The following MMADHC variants were observed in gnomAD, a reference collection of about 807,000 sequenced individuals.
MMADHC encodes cobalamin trafficking protein CblD.
MMADHC carries 23 observed loss-of-function variants against 36.3 expected under a neutral mutation model. The observed-to-expected ratio is 0.63, with a 90% CI of 0.46 to 0.90. The LOEUF is 0.90. Among genes scored for constraint, MMADHC ranks in the 40% least tolerant of loss-of-function variants. The pLI is 0.00. For missense variants in MMADHC, 330 were observed against 348.0 expected (o/e 0.95, Z 0.41); for synonymous variants, 97 against 116.1 (o/e 0.84, Z 1.06).
chr2:149,574,709 A>G (rs1395859123), intron 6 of MMADHC, among the ~76,000 whole-genome samples: 2 of 152,266 alleles, frequency 1.3e-5, no homozygotes, highest in Non-Finnish European at 2.9e-5. Flanking sequence ...GAATCTATAG[A>G]TATTAGCATG....
chr2:149,586,991 C>T (rs1386345535), intron 2 of MMADHC, 98 bp downstream of exon 2: 1 of 1,227,322 alleles, frequency 8.1e-7, no homozygotes, highest in Non-Finnish European at 1.2e-6. Context: ...ATATCTAACA[C>T]TATACCACCC....
chr2:149,578,897 C>G (rs755364800), intron 4 of MMADHC, among the ~76,000 whole-genome samples: 1 of 145,602 alleles, frequency 6.9e-6, no homozygotes, highest in Non-Finnish European at 1.5e-5. Context: ...ATCATAAATG[C>G]AAGTTTAAAA....
In MMADHC at chr2:149,587,152, G is replaced by A; in HGVS notation, c.-52-3C>T. 1 of 1,564,382 alleles carries A rather than the reference G, an allele frequency of 6.4e-7. No homozygotes were observed. The highest frequency in any genetic ancestry group is 1.4e-5 in the African/African-American group (1 of 73,866). On this transcript the variant is annotated splice_region_variant and splice_polypyrimidine_tract_variant and intron_variant, in intron 1 of 7. Transcript: ENST00000303319. ...GCTTTCCTTTGGTAAAGTTATTTCT[G>A]GGAAAGAACACAACAAAACAGACGA...
At chr2:149,580,995 A>C (rs1682785749) in intron 3 of MMADHC, among the ~76,000 whole-genome samples, 1 of 152,224 alleles carries the variant, frequency 6.6e-6, no homozygotes, top group Non-Finnish European at 1.5e-5. Context: ...TGACTACTCA[A>C]GTCACTTCCC....
chr2:149,583,494 T>C (rs137972505), intron 2 of MMADHC, among the ~76,000 whole-genome samples: 104 of 152,296 alleles, frequency 6.8e-4, no homozygotes, highest in African/African-American at 2.2e-3. Context: ...TACATCAAGA[T>C]AGTAAGTCGG....
At chr2:149,580,404 C>G (rs1234340441) in intron 3 of MMADHC, among the ~76,000 whole-genome samples, 5 of 152,030 alleles carry the variant, frequency 3.3e-5, no homozygotes, top group Non-Finnish European at 7.4e-5. Flanking sequence ...CTCTGTTTAC[C>G]AGCCACATGA....
rs945429451 is a variant in MMADHC, at chr2:149,587,767, A to G, written c.-156T>C. On this transcript the variant is annotated 5_prime_UTR_variant, in exon 1 of 8. Transcript: ENST00000303319. ...GGTAGCACCTACGCTGGCGGTGAGC[A>G]GGCAAAGGAAGTTGCTTCCGAGCGC... 3 of 152,844 alleles carry G rather than the reference A, an allele frequency of 2.0e-5. No individual in the cohort carries two copies. The highest frequency in any genetic ancestry group is 7.2e-5 in the African/African-American group (3 of 41,474). 9.5% of individuals were successfully genotyped at this position (152,844 alleles called of 1,614,324 possible). A position where few individuals can be genotyped will look rare whatever the true frequency, so the allele number is the denominator to read the frequency against.
At chr2:149,575,602 G>C in intron 6 of MMADHC, 109 bp downstream of exon 6, 3 of 924,686 alleles carry the variant, frequency 3.2e-6, no homozygotes, top group Non-Finnish European at 4.8e-6. Flanking sequence ...TAATACTTTG[G>C]CAGAAAATGA....
In MMADHC at chr2:149,569,811, T is replaced by C; in HGVS notation, c.*163A>G. 2 of 656,410 alleles carry C rather than the reference T, an allele frequency of 3.0e-6. No individual in the cohort carries two copies. Among genetic ancestry groups the C allele is most frequent in the Non-Finnish European group, 5.2e-6 (2 of 382,890 alleles). 40.7% of individuals were successfully genotyped at this position (656,410 alleles called of 1,614,324 possible). A position where few individuals can be genotyped will look rare whatever the true frequency, so the allele number is the denominator to read the frequency against. Reference sequence around the variant, plus strand: ...TTCAATGATATGAATAAATGAACATTTGCAATTTTAAAATCCCAAATCACT... The same window carrying C: ...TTCAATGATATGAATAAATGAACATCTGCAATTTTAAAATCCCAAATCACT... On this transcript the variant is annotated 3_prime_UTR_variant, in exon 8 of 8. Coordinates refer to ENST00000303319, the MANE Select transcript of MMADHC (RefSeq NM_015702.3).
chr2:149,587,373 G>C, intron 1 of MMADHC: 2 of 542,494 alleles, frequency 3.7e-6, no homozygotes, highest in Non-Finnish European at 6.6e-6. Flanking sequence ...TACAGCCGCG[G>C]AAAAACAACT....
intron 6 of MMADHC, among the ~76,000 whole-genome samples, chr2:149,574,986 G>T (rs1287079410): frequency 6.6e-6 from 1 of 152,032 alleles, no homozygotes; most frequent in East Asian, 1.9e-4. Flanking sequence ...TAGAGACAGG[G>T]TCTCACTACA....
intron 3 of MMADHC, among the ~76,000 whole-genome samples, 184 bp downstream of exon 3, chr2:149,581,943 A>G (rs1347721207): frequency 2.7e-5 from 2 of 75,276 alleles, no homozygotes; most frequent in East Asian, 1.5e-3. Context: ...ACCAGTACTT[A>G]CTCTTTTTTC....
Position 149,582,237 on chromosome 2 carries a change from AG to A in MMADHC, c.43del (p.Leu15SerfsTer7). The A allele has an allele frequency of 6.2e-7, 1 of 1,613,880 alleles. No individual in the cohort carries two copies. ...TTTAACTAAAGAGCAAAATCCTGGGAGATAGGAAACCAGTCTGGCTCTGTTA... is the reference window on the plus strand; with the variant it reads ...TTTAACTAAAGAGCAAAATCCTGGGAATAGGAAACCAGTCTGGCTCTGTTA... ...LCNRARLVSY[L>X]PGFCSLVKRV... On this transcript the variant is annotated frameshift_variant, in exon 3 of 8. Transcript: ENST00000303319. LOFTEE classifies it high-confidence loss of function.
intron 6 of MMADHC, 91 bp downstream of exon 6, chr2:149,575,620 G>A (rs1043941010): frequency 9.2e-7 from 1 of 1,082,086 alleles, no homozygotes. Context: ...TGAATAAAGG[G>A]TGGAAATGAC....
chr2:149,579,258 C>A (rs1169506627), intron 4 of MMADHC, among the ~76,000 whole-genome samples, 173 bp downstream of exon 4: 1 of 151,980 alleles, frequency 6.6e-6, no homozygotes, highest in African/African-American at 2.4e-5. Context: ...ATAGCAAACA[C>A]TTTGTAGAGG....
chr2:149,576,497 A>C lies in MMADHC; in HGVS notation c.418T>G (p.Tyr140Asp). The change falls in exon 5 of 8, where the codon TAC (tyrosine) becomes GAC (aspartate). Residue 140 changes from tyrosine to aspartate, a missense_variant. By Grantham distance (160) the Tyr-to-Asp change is radical. Coordinates refer to ENST00000303319, the MANE Select transcript of MMADHC (RefSeq NM_015702.3). ...VEQEINSAET[Y>D]FESARVECAI... Reference sequence around the variant, plus strand: ...CACTCTACTCTGGCACTTTCAAAGTAAGTTTCTGCACTGTTAATTTCTTGT... The same window carrying C: ...CACTCTACTCTGGCACTTTCAAAGTCAGTTTCTGCACTGTTAATTTCTTGT... 1 of 1,613,738 alleles carries C rather than the reference A, an allele frequency of 6.2e-7. No homozygotes were observed. The highest frequency in any genetic ancestry group is 2.2e-5 in the East Asian group (1 of 44,810).
In MMADHC at chr2:149,582,847, T is replaced by C. The variant is rs550714100; in HGVS notation, c.10-576A>G. On this transcript the variant is annotated intron_variant, in intron 2 of 7. Transcript: ENST00000303319. ...GAGGTCATGTATTACAATGGATGAATGTGTAAATATCTTTCATTCATAAAT... is the reference window on the plus strand; with the variant it reads ...GAGGTCATGTATTACAATGGATGAACGTGTAAATATCTTTCATTCATAAAT... Among the ~76,000 whole-genome samples the C allele has an allele frequency of 5.3e-5, 8 of 152,360 alleles. No homozygotes were observed. In the South Asian group the frequency reaches 1.7e-3, roughly 32 times the overall value.
At chr2:149,587,477 A>C (rs970095487) in intron 1 of MMADHC, 187 bp downstream of exon 1, 3 of 339,928 alleles carry the variant, frequency 8.8e-6, no homozygotes, top group Admixed American at 8.9e-5. Flanking sequence ...GGGCTGCGTA[A>C]CAACAGCTCC....
chr2:149,582,071 A>G, intron 3 of MMADHC, 56 bp downstream of exon 3: 1 of 1,591,680 alleles, frequency 6.3e-7, no homozygotes, highest in South Asian at 1.1e-5. Context: ...AGAGGAAAAT[A>G]CAACTAAAAA....
Sources: gnomAD v4.1 joint callset for allele counts (sites outside exome capture counted in the v4.1 genomes callset) on GRCh38, gnomAD v4.1.1 for gene constraint, MANE v1.5 for transcripts, NCBI Gene and HGNC (gene_info 2026-07-23, HGNC 2026-07-21) for gene names.